Variants in DENND11 observed in about 807,000 individuals in gnomAD.
DENND11 encodes the protein DENN domain-containing protein 11.
A neutral mutation model predicts 49.2 loss-of-function variants in DENND11; 34 were observed. The ratio of observed to expected loss-of-function variants is 0.69; its 90% CI spans 0.53 to 0.92. The LOEUF is 0.92. Ranked by LOEUF, DENND11 falls within the 40% of genes least tolerant of loss-of-function variation. The pLI, the probability that DENND11 is intolerant of heterozygous loss-of-function variation, is 0.00. For synonymous variants in DENND11, 238 were observed against 230.3 expected (o/e 1.03, Z -0.30); for missense variants, 475 against 581.6 (o/e 0.82, Z 1.88).
chr7:141,673,840 A>G lies in DENND11; in HGVS notation c.681+227T>C, dbSNP rs139511023. On this transcript the variant is annotated intron_variant, in intron 4 of 8. Transcript: ENST00000536163. ...TCTTTTCACAACTGGCCTATCACACACGCCTTTATACTATGATTACAGAAG... is the reference window on the plus strand; with the variant it reads ...TCTTTTCACAACTGGCCTATCACACGCGCCTTTATACTATGATTACAGAAG... Among the ~76,000 whole-genome samples the G allele has an allele frequency of 2.4e-4, 37 of 152,306 alleles. No homozygotes were observed. In the East Asian group the frequency reaches 4.0e-3, roughly 17 times the overall value.
chr7:141,684,961 C>T (rs1271625710), intron 3 of DENND11, among the ~76,000 whole-genome samples: 1 of 137,576 alleles, frequency 7.3e-6, no homozygotes, highest in East Asian at 2.2e-4. Context: ...GATCACTTGA[C>T]TGCAGGAGTT....
rs138225763 is a variant in DENND11 at position 141,664,157 on chromosome 7, G to T, written c.1172+15C>A. 2 of 1,566,478 alleles carry T rather than the reference G, an allele frequency of 1.3e-6. No individual in the cohort carries two copies. The highest frequency in any genetic ancestry group is 2.3e-5 in the South Asian group (2 of 85,336). On this transcript the variant is annotated intron_variant, in intron 8 of 8. Transcript: ENST00000536163. ...ATCCTCAGGGAGACTCCACATCCAC[G>T]GCCCCAGGACTCACAGCACGAAGAG...
chr7:141,696,999 G>A (rs1195262272), intron 1 of DENND11, among the ~76,000 whole-genome samples: 1 of 152,206 alleles, frequency 6.6e-6, no homozygotes, highest in African/African-American at 2.4e-5. Context: ...CCAATCCATG[G>A]CTGAATTCCA....
Position 141,674,219 on chromosome 7 carries a change from G to T in DENND11, c.529C>A (p.His177Asn). 6.5e-7 allele frequency: 1 copy of T among 1,534,608 alleles called. No individual in the cohort carries two copies. Residue 177 changes from histidine to asparagine, a missense_variant and splice_region_variant, in exon 4 of 9, where the codon CAC becomes AAC. Physicochemically the swap from His to Asn is moderately conservative, Grantham distance 68. Transcript: ENST00000536163. ...YMHFLENQVR[H>N]QLEMPGHYSH... The stretch of plus-strand genomic sequence containing the variant: ...TAATGTCCTGGCATCTCCAACTGGT[G>T]CCTGCAGAAAAACACACACACACAC...
At position 141,686,642 on chromosome 7, in the gene DENND11, C is replaced by T. The variant is rs1344071256; in HGVS notation, c.285G>A (p.Trp95Ter). 1 of 1,611,604 alleles carries T rather than the reference C, an allele frequency of 6.2e-7. No homozygotes were observed. The highest frequency in any genetic ancestry group is 1.1e-5 in the South Asian group (1 of 90,580). ...CAAGGTCAATATCTTGAGGTAAGCA[C>T]CATTCTACCATGTTTCCTGCAGGAA... ...FDPRSGNMVEWCLPQDIDLEG... is the reference protein window; with the variant it reads ...FDPRSGNMVE Residue 95 changes from tryptophan (W) to a stop codon, truncating the protein, a stop_gained, in exon 2 of 9, where the codon TGG becomes TGA. Coordinates refer to ENST00000536163, the MANE Select transcript of DENND11 (RefSeq NM_001080392.2). LOFTEE classifies it high-confidence loss of function.
chr7:141,675,252 C>T (rs1355882294), intron 3 of DENND11, among the ~76,000 whole-genome samples: 2 of 152,146 alleles, frequency 1.3e-5, no homozygotes, highest in African/African-American at 4.8e-5. Flanking sequence ...CCAGCATCCA[C>T]CAGCAGCTCA....
At chr7:141,665,713 G>A (rs994484378) in intron 5 of DENND11, among the ~76,000 whole-genome samples, 7 of 151,888 alleles carry the variant, frequency 4.6e-5, no homozygotes, top group African/African-American at 1.7e-4. Flanking sequence ...CTCCACACTT[G>A]TACTTTCCCC....
At chr7:141,664,548 G>A (rs983496167) in intron 7 of DENND11, among the ~76,000 whole-genome samples, 3 of 152,100 alleles carry the variant, frequency 2.0e-5, no homozygotes, top group African/African-American at 4.8e-5. Context: ...CTTCTAATAC[G>A]GCGACCAACA....
chr7:141,694,368 C>T (rs1036462459), intron 1 of DENND11, among the ~76,000 whole-genome samples: 3 of 151,978 alleles, frequency 2.0e-5, no homozygotes, highest in Non-Finnish European at 2.9e-5. Context: ...TCAAATGATC[C>T]GCCCATCTCA....
chr7:141,686,826 C>T lies in DENND11; in HGVS notation c.269-168G>A, dbSNP rs545584612. Among the ~76,000 whole-genome samples, 6 of 152,214 alleles carry T rather than the reference C, an allele frequency of 3.9e-5. No individual in the cohort carries two copies. The South Asian group carries it at 8.3e-4, about 21-fold the overall frequency. The stretch of plus-strand genomic sequence containing the variant: ...GCCCCTCCATCACTGGCAGGGGTGA[C>T]GCCGGAGGACGTGGAGGTGGACACT... On this transcript the variant is annotated intron_variant, in intron 1 of 8. Transcript: ENST00000536163.
intron 3 of DENND11, among the ~76,000 whole-genome samples, chr7:141,677,012 C>A (rs941998897): frequency 2.6e-5 from 4 of 152,216 alleles, no homozygotes; most frequent in Admixed American, 1.3e-4. Flanking sequence ...TGTGGCCATG[C>A]AGATGCCCAG....
chr7:141,691,820 G>A (rs1342005496), intron 1 of DENND11, among the ~76,000 whole-genome samples: 2 of 152,084 alleles, frequency 1.3e-5, no homozygotes, highest in East Asian at 3.9e-4. Flanking sequence ...GTCTCTGCAG[G>A]AGTCTGTTAA....
At chr7:141,682,396 T>C (rs1798161186) in intron 3 of DENND11, among the ~76,000 whole-genome samples, 1 of 152,194 alleles carries the variant, frequency 6.6e-6, no homozygotes, top group South Asian at 2.1e-4. Flanking sequence ...CCCAGAGTTC[T>C]AACTGGTCAC....
chr7:141,664,847 T>C, intron 7 of DENND11, 57 bp downstream of exon 7: 2 of 1,543,132 alleles, frequency 1.3e-6, no homozygotes, highest in Non-Finnish European at 1.8e-6. Context: ...GAGACCCCCA[T>C]GCTGGAGCTG....
chr7:141,695,115 CAA>C (rs1798393112), intron 1 of DENND11, among the ~76,000 whole-genome samples: 1 of 151,972 alleles, frequency 6.6e-6, no homozygotes, highest in African/African-American at 2.4e-5. Flanking sequence ...GTGCCACTGA[CAA>C]AGTTTTTCTC....
chr7:141,672,557 T>G (rs1223767051), intron 4 of DENND11, among the ~76,000 whole-genome samples: 1 of 152,238 alleles, frequency 6.6e-6, no homozygotes, highest in African/African-American at 2.4e-5. Context: ...AACACCCACC[T>G]GATCTTAGAG....
chr7:141,684,374 TTA>T (rs1798197009), intron 3 of DENND11, among the ~76,000 whole-genome samples: 1 of 152,208 alleles, frequency 6.6e-6, no homozygotes. Context: ...TTACTTGAAG[TTA>T]TAAGTCAAAT....
chr7:141,673,236 C>T (rs1469900694), intron 4 of DENND11, among the ~76,000 whole-genome samples: 1 of 148,814 alleles, frequency 6.7e-6, no homozygotes, highest in Admixed American at 6.7e-5. Context: ...CGCTGGAAAA[C>T]AAGGAATAAA....
intron 4 of DENND11, among the ~76,000 whole-genome samples, chr7:141,669,807 C>CTCT (rs1293688525): frequency 9.1e-6 from 1 of 110,332 alleles, no homozygotes; most frequent in Non-Finnish European, 2.1e-5. Context: ...ATCATACATG[C>CTCT]TATTTTTTTT....
Sources: gnomAD v4.1 joint callset for allele counts (sites outside exome capture counted in the v4.1 genomes callset) on GRCh38, gnomAD v4.1.1 for gene constraint, MANE v1.5 for transcripts, NCBI Gene and HGNC (gene_info 2026-07-23, HGNC 2026-07-21) for gene names.